GRM7: variants seen among roughly 807,000 people sequenced by gnomAD.
GRM7 encodes the protein glutamate metabotropic receptor 7.
A neutral mutation model predicts 84.5 loss-of-function variants in GRM7; 35 were observed. That is an observed-to-expected ratio of 0.41 (90% CI 0.32 to 0.55). GRM7 has a LOEUF of 0.55. Ranked by LOEUF, GRM7 falls within the 20% of genes least tolerant of loss-of-function variation. The pLI, the probability that GRM7 is intolerant of heterozygous loss-of-function variation, is 0.19. For synonymous variants in GRM7, 487 were observed against 455.1 expected, an observed-to-expected ratio of 1.07 and a Z score of -0.89; for missense variants, 1,003 against 1,194.6, an observed-to-expected ratio of 0.84 and a Z score of 2.36.
intron 7 of GRM7, among the ~76,000 whole-genome samples, chr3:7,490,679 A>G (rs1031929454): frequency 7.2e-5 from 11 of 152,318 alleles, no homozygotes; most frequent in African/African-American, 2.6e-4. Flanking sequence ...ATGAGGATCT[A>G]TTAGACGATC....
At chr3:7,401,994 A>T (rs980079366) in intron 4 of GRM7, among the ~76,000 whole-genome samples, 12 of 152,282 alleles carry the variant, frequency 7.9e-5, no homozygotes, top group African/African-American at 2.9e-4. Context: ...TTAGAAATAG[A>T]TTGGAATCAG....
chr3:7,332,234 C>T lies in GRM7; in HGVS notation c.1033+25582C>T, dbSNP rs533009601. ...TTGGAACTTACATAACTAATTCCTC[C>T]TCATTATCTAATATGATTCTCCCAA... On this transcript the variant is annotated intron_variant, in intron 4 of 9. Coordinates refer to ENST00000357716, the MANE Select transcript of GRM7 (RefSeq NM_000844.4). 2.6e-5 allele frequency among the ~76,000 whole-genome samples: 4 copies of T among 152,244 alleles called. No individual in the cohort carries two copies. The South Asian group carries it at 8.3e-4, about 32-fold the overall frequency.
At chr3:7,594,589 A>G (rs1291518753) in intron 8 of GRM7, among the ~76,000 whole-genome samples, 2 of 152,152 alleles carry the variant, frequency 1.3e-5, no homozygotes, top group African/African-American at 4.8e-5. Flanking sequence ...AGCAGGGTGC[A>G]TTTCCAAAAA....
At chr3:6,988,736 G>A (rs1188104270) in intron 1 of GRM7, among the ~76,000 whole-genome samples, 1 of 152,122 alleles carries the variant, frequency 6.6e-6, no homozygotes, top group East Asian at 1.9e-4. Context: ...CATGTACTCT[G>A]ACTATGCCAG....
At chr3:7,730,546 A>T (rs1368231080) in intron 9 of GRM7, among the ~76,000 whole-genome samples, 1 of 152,222 alleles carries the variant, frequency 6.6e-6, no homozygotes, top group African/African-American at 2.4e-5. Flanking sequence ...GCCAGGCTAT[A>T]CTAGTACACT....
At chr3:7,697,774 AGAT>A in intron 9 of GRM7, among the ~76,000 whole-genome samples, 1 of 152,288 alleles carries the variant, frequency 6.6e-6, no homozygotes, top group South Asian at 2.1e-4. Context: ...GCATAGCTGA[AGAT>A]GAGTGTCTGT....
At chr3:7,667,676 T>A (rs1699757271) in intron 8 of GRM7, among the ~76,000 whole-genome samples, 1 of 152,134 alleles carries the variant, frequency 6.6e-6, no homozygotes, top group Admixed American at 6.5e-5. Flanking sequence ...ATCTGAGTTG[T>A]GGAAAGACAG....
At chr3:6,890,270 C>G (rs1007703894) in intron 1 of GRM7, among the ~76,000 whole-genome samples, 12 of 152,154 alleles carry the variant, frequency 7.9e-5, no homozygotes, top group Admixed American at 1.3e-4. Flanking sequence ...TTGCCTTCTG[C>G]TAGCTTTTGA....
chr3:7,394,892 G>C (rs1188327244), intron 4 of GRM7, among the ~76,000 whole-genome samples: 6 of 152,130 alleles, frequency 3.9e-5, no homozygotes, highest in Admixed American at 2.0e-4. Context: ...ACAAAAATTA[G>C]CCAGGCGTGG....
chr3:7,619,095 G>A (rs1333557753), intron 8 of GRM7, among the ~76,000 whole-genome samples: 1 of 152,112 alleles, frequency 6.6e-6, no homozygotes, highest in Non-Finnish European at 1.5e-5. Flanking sequence ...AGCCTGAGAT[G>A]TTCAGGAAAT....
chr3:7,411,750 A>G (rs1559303544), intron 4 of GRM7, among the ~76,000 whole-genome samples: 1 of 152,166 alleles, frequency 6.6e-6, no homozygotes, highest in Non-Finnish European at 1.5e-5. Context: ...AGGTATTACC[A>G]CACTACACAT....
chr3:7,677,043 C>T (rs1031885355), intron 8 of GRM7, among the ~76,000 whole-genome samples: 4 of 151,824 alleles, frequency 2.6e-5, no homozygotes, highest in East Asian at 1.9e-4. Flanking sequence ...AGGAGGATCA[C>T]GAGGTCAGGA....
chr3:7,094,326 C>T (rs1321555331), intron 1 of GRM7, among the ~76,000 whole-genome samples: 2 of 152,108 alleles, frequency 1.3e-5, no homozygotes, highest in African/African-American at 4.8e-5. Flanking sequence ...TAAATGAGTT[C>T]ATGCATTCCA....
chr3:6,902,934 G>A (rs866529500), intron 1 of GRM7, among the ~76,000 whole-genome samples: 7 of 151,336 alleles, frequency 4.6e-5, no homozygotes, highest in South Asian at 2.1e-4. Context: ...ATATGTTTTG[G>A]ATACAGATGG....
intron 7 of GRM7, among the ~76,000 whole-genome samples, chr3:7,514,736 G>C (rs1225139355): frequency 1.3e-5 from 2 of 152,138 alleles, no homozygotes; most frequent in African/African-American, 4.8e-5. Context: ...ACATCAATGC[G>C]TGGTGCAATA....
chr3:7,668,164 G>A, intron 8 of GRM7, among the ~76,000 whole-genome samples: 1 of 152,202 alleles, frequency 6.6e-6, no homozygotes, highest in East Asian at 1.9e-4. Context: ...CCTCTCTTGA[G>A]CCAGTTTAGG....
At chr3:6,946,280 C>G (rs1346139620) in intron 1 of GRM7, among the ~76,000 whole-genome samples, 3 of 152,176 alleles carry the variant, frequency 2.0e-5, no homozygotes, top group Non-Finnish European at 4.4e-5. Context: ...CTACATATGG[C>G]TAGCCAGTTT....
At chr3:7,623,242 A>T (rs1242186399) in intron 8 of GRM7, among the ~76,000 whole-genome samples, 2 of 152,256 alleles carry the variant, frequency 1.3e-5, no homozygotes, top group East Asian at 3.9e-4. Context: ...AGACTGAAGG[A>T]TGATGTGCAG....
chr3:6,999,477 C>G (rs944406629), intron 1 of GRM7, among the ~76,000 whole-genome samples: 4 of 152,160 alleles, frequency 2.6e-5, no homozygotes, highest in African/African-American at 9.7e-5. Context: ...TTTCCCATTT[C>G]CAAAGTTGCT....
Sources: allele counts gnomAD v4.1 joint callset (sites outside exome capture counted in the v4.1 genomes callset), GRCh38; gene constraint gnomAD v4.1.1; transcripts MANE v1.5; gene names NCBI Gene and HGNC (gene_info 2026-07-23, HGNC 2026-07-21).